Variants in SLC41A3 observed in about 807,000 individuals in gnomAD.
SLC41A3 encodes the protein solute carrier family 41 member 3.
In SLC41A3, 44 loss-of-function variants were observed where a neutral mutation model predicts 45.4. The ratio of observed to expected loss-of-function variants is 0.97; its 90% confidence interval spans 0.76 to 1.25. The LOEUF (loss-of-function observed/expected upper bound fraction) is 1.25. Ranked by LOEUF, SLC41A3 falls within the 50% of genes most tolerant of loss-of-function variation. The pLI, the probability that SLC41A3 is intolerant of heterozygous loss-of-function variation, is 0.00. For synonymous variants in SLC41A3, 256 were observed against 252.4 expected (o/e 1.01, Z -0.13); for missense variants, 550 against 600.6 (o/e 0.92, Z 0.88).
At chr3:126,079,830 T>C (rs1202489679) in intron 1 of SLC41A3, among the ~76,000 whole-genome samples, 3 of 152,192 alleles carry the variant, frequency 2.0e-5, no homozygotes, top group African/African-American at 4.8e-5. Context: ...CTTCAAAATA[T>C]ACTACAAAGC....
intron 2 of SLC41A3, among the ~76,000 whole-genome samples, chr3:126,053,724 A>T (rs1373663930): frequency 6.6e-6 from 1 of 152,164 alleles, no homozygotes; most frequent in African/African-American, 2.4e-5. Context: ...GGTGCCTCCC[A>T]GTGTCTATGA....
chr3:126,077,779 TGA>T (rs910953830), intron 1 of SLC41A3, among the ~76,000 whole-genome samples: 4 of 152,210 alleles, frequency 2.6e-5, no homozygotes, highest in Admixed American at 6.5e-5. Context: ...AGGGAGAAGC[TGA>T]GAGTCATGGC....
chr3:126,013,730 G>A (rs1014264886), intron 8 of SLC41A3, among the ~76,000 whole-genome samples: 1 of 152,164 alleles, frequency 6.6e-6, no homozygotes, highest in African/African-American at 2.4e-5. Context: ...TCAATTTGTG[G>A]TGCTAGGTGA....
rs145150035 is a variant in SLC41A3, at chr3:126,017,910, T to A, written c.746-1035A>T. ...GATATAAGCCAGGCCCAGCCACCTC[T>A]AACCAGGTCTCCCACCCTCTGGGAA... On this transcript the variant is annotated intron_variant, in intron 6 of 10. Coordinates refer to ENST00000360370, the MANE Select transcript of SLC41A3 (RefSeq NM_017836.4). 4.1e-3 allele frequency among the ~76,000 whole-genome samples: 624 copies of A among 152,310 alleles called. 1 individual carries two copies. Among genetic ancestry groups the A allele is most frequent in the Non-Finnish European group, 6.6e-3 (451 of 68,012 alleles).
At chr3:126,056,649 A>G (rs1943688101) in intron 2 of SLC41A3, 1 of 1,475,110 alleles carries the variant, frequency 6.8e-7, no homozygotes, top group East Asian at 2.4e-5. Context: ...TGTTCCCAAG[A>G]AGTCCACACA....
rs558771509 is a variant in SLC41A3 at position 126,007,766 on chromosome 3, G to C, written c.1255-541C>G. Among the ~76,000 whole-genome samples the C allele has an allele frequency of 1.2e-4, 18 of 152,298 alleles. No homozygotes were observed. The South Asian group carries it at 3.3e-3, about 28-fold the overall frequency. Reference sequence around the variant, plus strand: ...GGGATTTCCCTAATCCTACCCTTTAGGGTCAGGAACATACCACAATTACAA... The same window carrying C: ...GGGATTTCCCTAATCCTACCCTTTACGGTCAGGAACATACCACAATTACAA... On this transcript the variant is annotated intron_variant, in intron 10 of 10. Transcript: ENST00000360370.
chr3:126,059,399 C>T (rs966219963), intron 2 of SLC41A3, among the ~76,000 whole-genome samples: 5 of 151,896 alleles, frequency 3.3e-5, no homozygotes, highest in Non-Finnish European at 7.4e-5. Context: ...ACAGTCACTG[C>T]AAATGAATGA....
At chr3:126,048,034 C>T (rs944965985) in intron 3 of SLC41A3, among the ~76,000 whole-genome samples, 1 of 152,010 alleles carries the variant, frequency 6.6e-6, no homozygotes. Context: ...AACAACAGAA[C>T]AACCAAAAAA....
chr3:126,033,559 G>GC (rs1941960919), intron 4 of SLC41A3, 48 bp downstream of exon 4: 4 of 1,591,682 alleles, frequency 2.5e-6, no homozygotes, highest in Non-Finnish European at 3.4e-6. Context: ...ACCTGGGGAA[G>GC]CCTGGCTGCA....
intron 1 of SLC41A3, among the ~76,000 whole-genome samples, chr3:126,068,870 G>A (rs890967571): frequency 6.6e-6 from 1 of 152,148 alleles, no homozygotes. Flanking sequence ...TTGGAGGGCT[G>A]TCTGTATTTA....
intron 1 of SLC41A3, among the ~76,000 whole-genome samples, chr3:126,072,285 G>A (rs1436692537): frequency 6.7e-6 from 1 of 149,670 alleles, no homozygotes; most frequent in African/African-American, 2.5e-5. Context: ...TTAAGATAAA[G>A]AGGAGCAAAC....
upstream of SLC41A3, among the ~76,000 whole-genome samples, chr3:126,088,965 C>G (rs890727584): frequency 6.6e-6 from 1 of 152,112 alleles, no homozygotes; most frequent in East Asian, 1.9e-4. Flanking sequence ...TCTAGTGGAC[C>G]AGATAAATGC....
chr3:126,098,246 T>A (rs1179963062), intron 1 of SLC41A3, among the ~76,000 whole-genome samples: 1 of 152,112 alleles, frequency 6.6e-6, no homozygotes, highest in Non-Finnish European at 1.5e-5. Context: ...GGGGCTCTAA[T>A]CCAGTAGGAC....
At chr3:126,060,782 A>G (rs1054804274) in intron 2 of SLC41A3, among the ~76,000 whole-genome samples, 2 of 152,212 alleles carry the variant, frequency 1.3e-5, no homozygotes, top group African/African-American at 4.8e-5. Flanking sequence ...TTCCAGCTGC[A>G]CGGAGCAGCA....
intron 3 of SLC41A3, among the ~76,000 whole-genome samples, chr3:126,037,761 G>A (rs1424132402): frequency 6.6e-6 from 1 of 152,200 alleles, no homozygotes; most frequent in African/African-American, 2.4e-5. Context: ...AATCAAAGGG[G>A]CCTAAAGAGC....
chr3:126,047,895 T>C (rs888057281), intron 3 of SLC41A3, among the ~76,000 whole-genome samples: 1 of 152,114 alleles, frequency 6.6e-6, no homozygotes, highest in African/African-American at 2.4e-5. Context: ...ATGAACTACA[T>C]GAAAATTAAA....
chr3:126,051,763 T>C (rs141304028), intron 2 of SLC41A3, among the ~76,000 whole-genome samples: 121 of 152,302 alleles, frequency 7.9e-4, no homozygotes, highest in Non-Finnish European at 1.4e-3. Context: ...CTGATTTATT[T>C]TGCCTGTCTG....
rs1159521141 is a variant in SLC41A3, at chr3:126,047,717, T to C, written c.381+3226A>G. 3.3e-5 allele frequency among the ~76,000 whole-genome samples: 5 copies of C among 152,090 alleles called. No homozygotes were observed. In the East Asian group the frequency reaches 5.8e-4, roughly 18 times the overall value. ...GCAAAAGAATGAAGTTGGATGCTTA[T>C]GTTACACCATGTACAAAAATAAACT... On this transcript the variant is annotated intron_variant, in intron 3 of 10. Coordinates refer to ENST00000360370, the MANE Select transcript of SLC41A3 (RefSeq NM_017836.4).
intron 2 of SLC41A3, 37 bp from the exon 3 acceptor site, chr3:126,051,087 C>A: frequency 6.5e-7 from 1 of 1,530,008 alleles, no homozygotes; most frequent in Non-Finnish European, 8.8e-7. Context: ...GCCAAACACA[C>A]ACATCAGCAA....
Sources: allele counts gnomAD v4.1 joint callset (sites outside exome capture counted in the v4.1 genomes callset), GRCh38; gene constraint gnomAD v4.1.1; transcripts MANE v1.5; gene names NCBI Gene and HGNC (gene_info 2026-07-23, HGNC 2026-07-21).